Variants in PACRG observed in about 807,000 individuals in gnomAD.
The protein encoded by PACRG is parkin coregulated.
PACRG carries 29 observed loss-of-function variants against 29.7 expected under a neutral mutation model. The observed-to-expected ratio is 0.98, with a 90% CI of 0.73 to 1.33. PACRG has a LOEUF of 1.33. Ranked by LOEUF, PACRG falls within the 40% of genes most tolerant of loss-of-function variation. PACRG has a pLI of 0.00. For missense variants in PACRG, 279 were observed against 316.2 expected (o/e 0.88, Z 0.89); for synonymous variants, 116 against 118.7 (o/e 0.98, Z 0.15).
intron 4 of PACRG, among the ~76,000 whole-genome samples, chr6:163,309,318 G>A (rs550033228): frequency 2.6e-5 from 4 of 152,260 alleles, no homozygotes; most frequent in Non-Finnish European, 5.9e-5. Context: ...TTTTATGGCT[G>A]TCATTCAGCC....
At chr6:163,224,643 A>G (rs1324170096) in intron 4 of PACRG, among the ~76,000 whole-genome samples, 1 of 152,198 alleles carries the variant, frequency 6.6e-6, no homozygotes, top group Non-Finnish European at 1.5e-5. Context: ...ATGCAGAAAA[A>G]TGAAACTGGG....
intron 4 of PACRG, among the ~76,000 whole-genome samples, chr6:163,122,163 T>C (rs73027171): frequency 0.015 from 2,285 of 152,266 alleles, 54 homozygotes; most frequent in Middle Eastern, 0.044. Context: ...CTAGTATAAG[T>C]ACATTCATAA....
intron 3 of PACRG, among the ~76,000 whole-genome samples, chr6:163,081,437 C>A (rs1447828778): frequency 6.6e-6 from 1 of 152,098 alleles, no homozygotes; most frequent in Non-Finnish European, 1.5e-5. Flanking sequence ...CATTGTAAAT[C>A]TAATTAATGC....
intron 1 of PACRG, among the ~76,000 whole-genome samples, chr6:162,767,290 G>A (rs2128298173): frequency 6.6e-6 from 1 of 151,960 alleles, no homozygotes; most frequent in African/African-American, 2.4e-5. Flanking sequence ...TGATAGATGT[G>A]CTTATTTCTT....
At chr6:163,216,095 A>G (rs909523820) in intron 4 of PACRG, among the ~76,000 whole-genome samples, 1 of 152,218 alleles carries the variant, frequency 6.6e-6, no homozygotes, top group African/African-American at 2.4e-5. Flanking sequence ...CATGAAATGT[A>G]GACTTTTCCC....
At chr6:162,995,783 C>A (rs1803981315) in intron 2 of PACRG, among the ~76,000 whole-genome samples, 1 of 152,200 alleles carries the variant, frequency 6.6e-6, no homozygotes, top group African/African-American at 2.4e-5. Flanking sequence ...TATTTTTAAG[C>A]CTGAGTAATA....
chr6:162,841,530 A>T (rs1449652244), intron 2 of PACRG, among the ~76,000 whole-genome samples: 1 of 151,808 alleles, frequency 6.6e-6, no homozygotes, highest in East Asian at 1.9e-4. Flanking sequence ...ATTTTGTTGA[A>T]CCTTTCAAAA....
chr6:162,844,139 C>T (rs878873388), intron 2 of PACRG, among the ~76,000 whole-genome samples: 1 of 141,540 alleles, frequency 7.1e-6, no homozygotes, highest in African/African-American at 2.9e-5. Context: ...GTTCGAGCTT[C>T]CTGGCTGCTT....
chr6:162,834,182 A>C (rs2128398374), intron 2 of PACRG, among the ~76,000 whole-genome samples: 1 of 152,310 alleles, frequency 6.6e-6, no homozygotes, highest in South Asian at 2.1e-4. Context: ...AAAAAAGAGA[A>C]GAAAGTTAAG....
intron 4 of PACRG, among the ~76,000 whole-genome samples, chr6:163,269,429 C>T (rs937071967): frequency 6.6e-6 from 1 of 152,192 alleles, no homozygotes; most frequent in African/African-American, 2.4e-5. Flanking sequence ...CTGTAGATAG[C>T]CCCTACATCA....
At chr6:163,314,489 G>C (rs145279684) in intron 4 of PACRG, among the ~76,000 whole-genome samples, 1 of 152,084 alleles carries the variant, frequency 6.6e-6, no homozygotes, top group Non-Finnish European at 1.5e-5. Flanking sequence ...TAAGTACACC[G>C]TGCTGTGATT....
chr6:163,311,331 TC>T (rs1785404985), intron 4 of PACRG, among the ~76,000 whole-genome samples: 1 of 152,238 alleles, frequency 6.6e-6, no homozygotes, highest in South Asian at 2.1e-4. Context: ...ATTTTCTAGC[TC>T]CCAGACATAA....
At chr6:162,955,745 A>G (rs4593343) in intron 2 of PACRG, among the ~76,000 whole-genome samples, 89,086 of 152,138 alleles carry the variant, frequency 0.59, 26,252 homozygotes, top group Middle Eastern at 0.72. Flanking sequence ...GATCCTAGTC[A>G]GCAGCAGCTG....
At chr6:163,211,831 A>G (rs1781155643) in intron 4 of PACRG, among the ~76,000 whole-genome samples, 1 of 152,208 alleles carries the variant, frequency 6.6e-6, no homozygotes, top group African/African-American at 2.4e-5. Context: ...AGCATAATGC[A>G]GTGCTCATTC....
At chr6:163,162,597 C>G (rs1172056661) in intron 4 of PACRG, among the ~76,000 whole-genome samples, 1 of 152,234 alleles carries the variant, frequency 6.6e-6, no homozygotes, top group Non-Finnish European at 1.5e-5. Context: ...CCAAGAAAGA[C>G]CCCAGTTCAC....
intron 4 of PACRG, among the ~76,000 whole-genome samples, chr6:163,244,076 C>T (rs1052124158): frequency 1.3e-5 from 2 of 152,304 alleles, no homozygotes; most frequent in Admixed American, 6.5e-5. Flanking sequence ...TGTGTTCATT[C>T]AGTGATTCAC....
At chr6:163,253,349 A>C (rs1782984496) in intron 4 of PACRG, among the ~76,000 whole-genome samples, 1 of 151,986 alleles carries the variant, frequency 6.6e-6, no homozygotes, top group Non-Finnish European at 1.5e-5. Context: ...AATGTAAAAA[A>C]ATAGATGAGC....
intron 4 of PACRG, chr6:163,190,325 G>C (rs1780148586): frequency 6.6e-6 from 1 of 152,220 alleles, no homozygotes; most frequent in African/African-American, 2.4e-5. Flanking sequence ...CATAAGTACA[G>C]TCGTAAAGAA....
rs553082990 is a variant in PACRG, at chr6:163,023,676, A to T, written c.292-38474A>T. Among the ~76,000 whole-genome samples, 4 of 152,316 alleles carry T rather than the reference A, an allele frequency of 2.6e-5. No homozygotes were observed. In the South Asian group the frequency reaches 8.3e-4, roughly 32 times the overall value. The stretch of plus-strand genomic sequence containing the variant: ...GACTGCTTTTCACAGTGGCTAGACT[A>T]ATTTACATTCCCACCAACAGTGTAT... On this transcript the variant is annotated intron_variant, in intron 2 of 4. Coordinates refer to ENST00000366888, the MANE Select transcript of PACRG (RefSeq NM_001080379.2).
Sources: allele counts gnomAD v4.1 joint callset (sites outside exome capture counted in the v4.1 genomes callset), GRCh38; gene constraint gnomAD v4.1.1; transcripts MANE v1.5; gene names NCBI Gene and HGNC (gene_info 2026-07-23, HGNC 2026-07-21).